The following PDE1C variants were observed in gnomAD, a reference collection of about 807,000 sequenced individuals.
PDE1C encodes dual specificity calcium/calmodulin-dependent 3',5'-cyclic nucleotide phosphodiesterase 1C.
In PDE1C, 62 loss-of-function variants were observed where a neutral mutation model predicts 93.1. The observed-to-expected ratio is 0.67, with a 90% confidence interval of 0.54 to 0.82. The LOEUF is 0.82. PDE1C is among the 40% of genes least tolerant of loss of function. The pLI, the probability that PDE1C is intolerant of heterozygous loss-of-function variation, is 0.00. For synonymous variants in PDE1C, 325 were observed against 310.1 expected (o/e 1.05, Z -0.50); for missense variants, 742 against 884.6 (o/e 0.84, Z 2.04).
chr7:31,633,003 C>G, the PDE1C span, among the ~76,000 whole-genome samples: 8 of 152,204 alleles, frequency 5.3e-5, no homozygotes, highest in African/African-American at 1.2e-4. Context: ...TCTCCTGCCT[C>G]AGCCTCCCGA....
chr7:32,414,901 C>G (rs1215229116), intron 1 of PDE1C, among the ~76,000 whole-genome samples: 1 of 151,130 alleles, frequency 6.6e-6, no homozygotes, highest in African/African-American at 2.4e-5. Context: ...AAGTAATATT[C>G]TAAGTTAATG....
chr7:31,641,967 T>C, the PDE1C span, among the ~76,000 whole-genome samples: 8 of 152,316 alleles, frequency 5.3e-5, no homozygotes, highest in South Asian at 1.0e-3. Context: ...TTTTATTCTT[T>C]GTATCAGGAA....
chr7:31,998,285 C>T (rs1482374847), intron 2 of PDE1C, among the ~76,000 whole-genome samples: 2 of 152,296 alleles, frequency 1.3e-5, no homozygotes, highest in African/African-American at 4.8e-5. Context: ...TCCCAAAGTG[C>T]TGGGATTACA....
In PDE1C at chr7:31,815,840, C is replaced by T. The variant is rs1788179503; in HGVS notation, c.1813+84G>A. The T allele has an allele frequency of 3.9e-6, 4 of 1,016,288 alleles. No homozygotes were observed. In the African/African-American group the frequency reaches 4.8e-5, roughly 12 times the overall value. 63.0% of individuals were successfully genotyped at this position (1,016,288 alleles called of 1,614,324 possible). ...GAAGCCTTGCCCTGTGAGCTGACCC[C>T]ATCAGTAGGGTTGTTCACCAGTTTC... On this transcript the variant is annotated intron_variant, in intron 15 of 17. Coordinates refer to ENST00000396191, the MANE Select transcript of PDE1C (RefSeq NM_001191057.4).
intron 2 of PDE1C, among the ~76,000 whole-genome samples, chr7:32,005,074 T>C (rs575679314): frequency 1.3e-5 from 2 of 152,308 alleles, no homozygotes; most frequent in East Asian, 3.9e-4. Flanking sequence ...CCGTCACCAA[T>C]GTTTTACTGA....
At chr7:32,179,196 G>A (rs1803213929) in intron 2 of PDE1C, among the ~76,000 whole-genome samples, 1 of 150,830 alleles carries the variant, frequency 6.6e-6, no homozygotes, top group Non-Finnish European at 1.5e-5. Flanking sequence ...TTCTGAATAG[G>A]AAACAGACAA....
intron 17 of PDE1C, among the ~76,000 whole-genome samples, chr7:31,764,107 C>T (rs1329381274): frequency 5.9e-5 from 9 of 151,864 alleles, no homozygotes; most frequent in Admixed American, 2.6e-4. Flanking sequence ...ACATTCTAAA[C>T]CATTTAGGCA....
chr7:31,642,323 A>G, the PDE1C span: 2 of 1,103,056 alleles, frequency 1.8e-6, no homozygotes, highest in Non-Finnish European at 2.6e-6. Flanking sequence ...CCTATCAACC[A>G]GGCTGCCACC....
chr7:31,693,762 T>G, the PDE1C span, among the ~76,000 whole-genome samples: 27 of 152,036 alleles, frequency 1.8e-4, no homozygotes, highest in African/African-American at 6.5e-4. Context: ...GAAATTTACC[T>G]GAATAGTTTT....
At chr7:31,919,113 GA>G (rs1283355205) in intron 2 of PDE1C, among the ~76,000 whole-genome samples, 1 of 152,204 alleles carries the variant, frequency 6.6e-6, no homozygotes, top group African/African-American at 2.4e-5. Flanking sequence ...AACTTGTCAA[GA>G]TATTAAAAAT....
chr7:31,810,675 A>T (rs937555675), intron 15 of PDE1C, among the ~76,000 whole-genome samples: 7 of 151,976 alleles, frequency 4.6e-5, no homozygotes, highest in Non-Finnish European at 8.8e-5. Context: ...CTGCCCACAC[A>T]TACATTTCAT....
At chr7:31,696,733 T>C in the PDE1C span, among the ~76,000 whole-genome samples, 2 of 152,098 alleles carry the variant, frequency 1.3e-5, no homozygotes, top group South Asian at 2.1e-4. Flanking sequence ...TTCCTCAGGG[T>C]TTTAGTGAAG....
At chr7:32,052,751 G>A (rs888540119) in intron 1 of PDE1C, among the ~76,000 whole-genome samples, 8 of 152,206 alleles carry the variant, frequency 5.3e-5, no homozygotes, top group Non-Finnish European at 1.2e-4. Flanking sequence ...ACAGGGCAGT[G>A]TCAGGTGTGT....
intron 1 of PDE1C, among the ~76,000 whole-genome samples, chr7:32,242,907 C>T (rs10263673): frequency 0.32 from 48,903 of 151,978 alleles, 8,858 homozygotes; most frequent in African/African-American, 0.49. Context: ...GAGAGCTGTA[C>T]AAGGCCCTGT....
chr7:32,178,179 GC>G (rs1394561193), intron 2 of PDE1C, among the ~76,000 whole-genome samples: 1 of 152,162 alleles, frequency 6.6e-6, no homozygotes, highest in East Asian at 1.9e-4. Flanking sequence ...TATCCACACA[GC>G]TTTTCTGTGC....
At chr7:32,340,938 T>A (rs114981350) in intron 1 of PDE1C, among the ~76,000 whole-genome samples, 3,391 of 152,192 alleles carry the variant, frequency 0.022, 148 homozygotes, top group African/African-American at 0.078. Flanking sequence ...CATGTCAGTA[T>A]ACATTCATCC....
At chr7:32,115,574 T>G (rs531471614) in intron 3 of PDE1C, among the ~76,000 whole-genome samples, 1 of 152,148 alleles carries the variant, frequency 6.6e-6, no homozygotes, top group East Asian at 1.9e-4. Flanking sequence ...CCATGGCACA[T>G]GTATACCTAT....
intron 15 of PDE1C, among the ~76,000 whole-genome samples, chr7:31,812,612 T>C (rs541656079): frequency 1.3e-5 from 2 of 152,298 alleles, no homozygotes; most frequent in East Asian, 3.9e-4. Flanking sequence ...AATAAAGTTT[T>C]ATTGGAAAAC....
At chr7:32,139,215 A>C (rs1800376287) in intron 3 of PDE1C, among the ~76,000 whole-genome samples, 2 of 151,610 alleles carry the variant, frequency 1.3e-5, no homozygotes, top group Non-Finnish European at 2.9e-5. Context: ...GGCTCACTGC[A>C]ACCTTGAACT....
Sources: allele counts gnomAD v4.1 joint callset (sites outside exome capture counted in the v4.1 genomes callset), GRCh38; gene constraint gnomAD v4.1.1; transcripts MANE v1.5; gene names NCBI Gene and HGNC (gene_info 2026-07-23, HGNC 2026-07-21).